The following KANK1 variants were observed in gnomAD, a reference collection of about 807,000 sequenced individuals.
The protein encoded by KANK1 is KN motif and ankyrin repeat domains 1.
A neutral mutation model predicts 106.2 loss-of-function variants in KANK1; 109 were observed. The observed-to-expected ratio is 1.03, with a 90% CI of 0.88 to 1.20. The LOEUF (loss-of-function observed/expected upper bound fraction) is 1.20. KANK1 is among the 50% of genes most tolerant of loss of function. KANK1 has a pLI of 0.00. For synonymous variants in KANK1, 873 were observed against 652.2 expected, an observed-to-expected ratio of 1.34 and a Z score of -5.16; for missense variants, 2,399 against 1,710.7, an observed-to-expected ratio of 1.40 and a Z score of -7.10.
chr9:660,026 C>T (rs924414816), intron 1 of KANK1: 1 of 324,232 alleles, frequency 3.1e-6, no homozygotes, highest in East Asian at 7.3e-5. Context: ...CACCCCTTTG[C>T]TGATACAAGT....
At chr9:642,042 C>A (rs1410712515) in intron 1 of KANK1, among the ~76,000 whole-genome samples, 1 of 152,148 alleles carries the variant, frequency 6.6e-6, no homozygotes, top group Non-Finnish European at 1.5e-5. Flanking sequence ...CTTTCTGTGT[C>A]CATGGGTATA....
At chr9:595,331 G>T (rs1034751014) in intron 1 of KANK1, among the ~76,000 whole-genome samples, 3 of 151,738 alleles carry the variant, frequency 2.0e-5, no homozygotes, top group Admixed American at 2.0e-4. Flanking sequence ...TGGCTGAAAA[G>T]TGCTCTTTCT....
In KANK1 at chr9:712,779, G is replaced by A; in HGVS notation, c.2013G>A (p.Gln671=). 1 of 1,613,838 alleles carries A rather than the reference G, an allele frequency of 6.2e-7. No homozygotes were observed. Among genetic ancestry groups the A allele is most frequent in the East Asian group, 2.2e-5 (1 of 44,870 alleles). The change falls in exon 3 of 12, where the codon CAG becomes CAA. Residue 671 remains glutamine, a synonymous_variant. Transcript: ENST00000382297. Reference sequence around the variant, plus strand: ...TGGCAGTGCCTCGTACTGCAGACCAGGACACTAGCACAGATTTGGAACAGG... The same window carrying A: ...TGGCAGTGCCTCGTACTGCAGACCAAGACACTAGCACAGATTTGGAACAGG... ...AVMAVPRTAD[Q]DTSTDLEQVH... is the part of the protein sequence containing the mutation.
intron 1 of KANK1, among the ~76,000 whole-genome samples, chr9:574,672 C>T (rs1436810223): frequency 4.0e-5 from 6 of 151,704 alleles, no homozygotes; most frequent in African/African-American, 1.5e-4. Flanking sequence ...CCGGCCAACA[C>T]AATGAAACCC....
In KANK1 at chr9:713,334, C is replaced by G; in HGVS notation, c.2568C>G (p.His856Gln). 1 of 1,614,188 alleles carries G rather than the reference C, an allele frequency of 6.2e-7. No homozygotes were observed. The highest frequency in any genetic ancestry group is 8.5e-7 in the Non-Finnish European group (1 of 1,180,024). ...TGGCAGAAGCTTTCGGGGAACCTCA[C>G]TCACAGATGGGCTCCCTCAACTCTC... ...SELAEAFGEP[H>Q]SQMGSLNSQL... Residue 856 changes from histidine to glutamine, a missense_variant, in exon 3 of 12, where the codon CAC (histidine) becomes CAG (glutamine). Physicochemically the swap from His to Gln is conservative, Grantham distance 24. Transcript: ENST00000382297.
rs151003252 is a variant in KANK1, at chr9:742,387, C to T, written c.3879C>T (p.Asn1293=). Residue 1293 remains asparagine, a synonymous_variant, in exon 10 of 12, where the codon AAC becomes AAT. Transcript: ENST00000382297. ...VKLLLAQPGC[N]GHLEDNDGST... ...TGCTGCTGGCCCAGCCCGGCTGCAA[C>T]GGTCACCTAGAGGACAACGTAAGCT... The T allele has an allele frequency of 4.2e-5, 68 of 1,613,500 alleles. 1 individual carries two copies. The highest frequency in any genetic ancestry group is 1.5e-4 in the African/African-American group (11 of 75,062).
chr9:632,454 G>A (rs951770850), intron 1 of KANK1, among the ~76,000 whole-genome samples: 1 of 152,158 alleles, frequency 6.6e-6, no homozygotes, highest in African/African-American at 2.4e-5. Flanking sequence ...GATAATTATT[G>A]AGAGCATGGA....
chr9:738,142 C>G, intron 7 of KANK1, 143 bp from the exon 8 acceptor site: 1 of 654,044 alleles, frequency 1.5e-6, no homozygotes, highest in Non-Finnish European at 2.6e-6. Flanking sequence ...TTTGAAGCTT[C>G]TCTTAGGGCT....
intron 1 of KANK1, among the ~76,000 whole-genome samples, chr9:611,329 C>G (rs1229573490): frequency 6.6e-6 from 1 of 152,166 alleles, no homozygotes; most frequent in East Asian, 1.9e-4. Flanking sequence ...CGACTCTATG[C>G]CTTAATTTCC....
intron 2 of KANK1, among the ~76,000 whole-genome samples, chr9:685,240 A>T (rs1436489203): frequency 6.6e-6 from 1 of 152,228 alleles, no homozygotes; most frequent in Non-Finnish European, 1.5e-5. Flanking sequence ...AGCATTAGTC[A>T]TCTCAGCTGG....
intron 1 of KANK1, among the ~76,000 whole-genome samples, chr9:558,636 C>T (rs532322853): frequency 6.6e-6 from 1 of 150,772 alleles, no homozygotes; most frequent in Admixed American, 6.6e-5. Context: ...GACACTAAGG[C>T]ATGATGTTTG....
intron 1 of KANK1, among the ~76,000 whole-genome samples, chr9:668,468 T>C (rs766395404): frequency 6.6e-6 from 1 of 152,202 alleles, no homozygotes; most frequent in African/African-American, 2.4e-5. Flanking sequence ...TAATGTCTCT[T>C]TGTTAAATTT....
intron 1 of KANK1, among the ~76,000 whole-genome samples, chr9:656,568 C>G (rs759591040): frequency 2.0e-5 from 3 of 152,042 alleles, no homozygotes; most frequent in Non-Finnish European, 4.4e-5. Context: ...TGGGATCAGG[C>G]TTTTTCAGTC....
chr9:727,410 G>A (rs924787556), intron 3 of KANK1, among the ~76,000 whole-genome samples: 1 of 151,616 alleles, frequency 6.6e-6, no homozygotes, highest in Non-Finnish European at 1.5e-5. Context: ...CTGCCTCCCG[G>A]GTTCAAGTGA....
At chr9:698,074 C>T (rs908178371) in intron 2 of KANK1, among the ~76,000 whole-genome samples, 13 of 152,132 alleles carry the variant, frequency 8.5e-5, no homozygotes, top group African/African-American at 2.4e-4. Flanking sequence ...TTTAAGTTCC[C>T]CAGGCCTATC....
intron 1 of KANK1, among the ~76,000 whole-genome samples, chr9:653,670 T>C (rs751352386): frequency 9.9e-5 from 15 of 152,180 alleles, no homozygotes; most frequent in Non-Finnish European, 1.9e-4. Flanking sequence ...TCCTTTGTCT[T>C]GTGCTCCCCT....
At position 745,295 on chromosome 9, in the gene KANK1, G is replaced by T; in HGVS notation, c.*60G>T. Reference sequence around the variant, plus strand: ...ATTAAGCTGCTAATTGTTCCTGTTGGGGTGACAGATACTGAATGTATACGT... The same window carrying T: ...ATTAAGCTGCTAATTGTTCCTGTTGTGGTGACAGATACTGAATGTATACGT... On this transcript the variant is annotated 3_prime_UTR_variant, in exon 12 of 12. Transcript: ENST00000382297. 1.3e-6 allele frequency: 2 copies of T among 1,599,304 alleles called. No individual in the cohort carries two copies. The highest frequency in any genetic ancestry group is 1.7e-6 in the Non-Finnish European group (2 of 1,166,978).
chr9:566,225 A>G (rs936970326), intron 1 of KANK1, among the ~76,000 whole-genome samples: 21 of 152,136 alleles, frequency 1.4e-4, no homozygotes, highest in African/African-American at 4.8e-4. Flanking sequence ...TTCATGGTGT[A>G]TATGTTCCAC....
At chr9:677,287 A>C (rs1816598316) in intron 2 of KANK1, among the ~76,000 whole-genome samples, 1 of 152,212 alleles carries the variant, frequency 6.6e-6, no homozygotes, top group Non-Finnish European at 1.5e-5. Flanking sequence ...TGCTGATGCA[A>C]ATGTAATGTA....
Sources: gnomAD v4.1 joint callset for allele counts (sites outside exome capture counted in the v4.1 genomes callset) on GRCh38, gnomAD v4.1.1 for gene constraint, MANE v1.5 for transcripts, NCBI Gene and HGNC (gene_info 2026-07-23, HGNC 2026-07-21) for gene names.